KIAA1217: variants seen among roughly 807,000 people sequenced by gnomAD.
KIAA1217 encodes the protein KIAA1217.
A neutral mutation model predicts 163.9 loss-of-function variants in KIAA1217; 88 were observed. The observed-to-expected ratio is 0.54, with a 90% CI of 0.45 to 0.64. The LOEUF (loss-of-function observed/expected upper bound fraction) is 0.64. Among genes scored for constraint, KIAA1217 ranks in the 30% least tolerant of loss-of-function variants. The pLI is 0.00. For missense variants in KIAA1217, 2,372 were observed against 2,475.0 expected (o/e 0.96, Z 0.88); for synonymous variants, 903 against 923.1 (o/e 0.98, Z 0.39).
intron 1 of KIAA1217, among the ~76,000 whole-genome samples, chr10:23,858,433 C>T (rs1839802493): frequency 6.6e-6 from 1 of 151,594 alleles, no homozygotes; most frequent in East Asian, 2.0e-4. Flanking sequence ...TATATATATG[C>T]TGTATATATA....
At chr10:24,261,433 CT>C in intron 2 of KIAA1217, among the ~76,000 whole-genome samples, 1 of 149,280 alleles carries the variant, frequency 6.7e-6, no homozygotes. Flanking sequence ...GAGGCAGAGG[CT>C]ACAGTGAGCC....
intron 2 of KIAA1217, chr10:24,239,061 T>C: frequency 1.4e-6 from 1 of 690,082 alleles, no homozygotes; most frequent in Non-Finnish European, 1.8e-6. Context: ...GGTTAGGGTT[T>C]CCATGGAGAT....
intron 1 of KIAA1217, among the ~76,000 whole-genome samples, chr10:23,771,603 T>C (rs1423948016): frequency 3.9e-5 from 6 of 152,230 alleles, no homozygotes; most frequent in Non-Finnish European, 7.3e-5. Context: ...ACATAATGTG[T>C]TCTGATTAGT....
chr10:24,381,697 G>A (rs1305366496), intron 3 of KIAA1217, among the ~76,000 whole-genome samples: 1 of 152,172 alleles, frequency 6.6e-6, no homozygotes, highest in East Asian at 1.9e-4. Flanking sequence ...TGCTCTATAG[G>A]AAATTGTGAG....
At chr10:24,332,576 G>C (rs2045825510) in intron 2 of KIAA1217, among the ~76,000 whole-genome samples, 1 of 152,104 alleles carries the variant, frequency 6.6e-6, no homozygotes, top group African/African-American at 2.4e-5. Context: ...CTCGGTGACA[G>C]AGTAGATGGA....
intron 1 of KIAA1217, among the ~76,000 whole-genome samples, chr10:23,856,553 A>T (rs949314973): frequency 6.6e-6 from 1 of 152,162 alleles, no homozygotes; most frequent in Admixed American, 6.5e-5. Flanking sequence ...GCTGTCAGGG[A>T]CATTTAAGTC....
chr10:24,500,350 T>A (rs1308892982), intron 8 of KIAA1217, among the ~76,000 whole-genome samples: 1 of 151,144 alleles, frequency 6.6e-6, no homozygotes, highest in East Asian at 1.9e-4. Flanking sequence ...TGTGTGCGTG[T>A]CTTTATTAGT....
chr10:24,454,877 TC>T (rs2061648954), intron 5 of KIAA1217, among the ~76,000 whole-genome samples: 1 of 151,114 alleles, frequency 6.6e-6, no homozygotes, highest in African/African-American at 2.4e-5. Flanking sequence ...AAAAAAAAAA[TC>T]TGCTCCACTG....
intron 1 of KIAA1217, among the ~76,000 whole-genome samples, chr10:23,743,688 G>C (rs901684107): frequency 6.6e-6 from 1 of 152,128 alleles, no homozygotes; most frequent in African/African-American, 2.4e-5. Flanking sequence ...TCTTAAATTT[G>C]AGGGTTATTA....
Position 24,090,332 on chromosome 10 carries a change from C to CTTTTT in KIAA1217, c.-171+82982_-171+82986dup, listed in dbSNP as rs35966270. Among the ~76,000 whole-genome samples the CTTTTT allele has an allele frequency of 3.9e-4, 23 of 58,936 alleles. 4 individuals carry two copies. Among genetic ancestry groups the CTTTTT allele is most frequent in the African/African-American group, 2.7e-3 (23 of 8,546 alleles). The allele number at this position is 58,936 out of a possible 152,430, so 38.7% of individuals were successfully genotyped here. ...CAGGCATGCACCCTCACATCCTGCT[C>CTTTTT]TTTTTTTTTTTTTTTTTTTTTTTTT... On this transcript the variant is annotated intron_variant, in intron 2 of 18. Transcript: ENST00000376462.
intron 2 of KIAA1217, among the ~76,000 whole-genome samples, chr10:24,305,364 T>C (rs2041892644): frequency 6.6e-6 from 1 of 152,190 alleles, no homozygotes; most frequent in Non-Finnish European, 1.5e-5. Flanking sequence ...CTCAAGCTTC[T>C]TTTTATATTT....
chr10:23,959,911 C>CTTTTT (rs1326171008), intron 1 of KIAA1217, among the ~76,000 whole-genome samples: 25 of 106,266 alleles, frequency 2.4e-4, no homozygotes, highest in African/African-American at 4.8e-4. Context: ...TCATAGACTT[C>CTTTTT]TTTTTTTTTT....
At chr10:24,534,848 T>C (rs1209576955) in intron 16 of KIAA1217, among the ~76,000 whole-genome samples, 1 of 144,270 alleles carries the variant, frequency 6.9e-6, no homozygotes, top group Non-Finnish European at 1.5e-5. Flanking sequence ...ACCACTGCAC[T>C]TCAGCCTGGG....
chr10:24,130,047 C>T (rs1375467057), intron 2 of KIAA1217, among the ~76,000 whole-genome samples: 1 of 152,144 alleles, frequency 6.6e-6, no homozygotes, highest in Non-Finnish European at 1.5e-5. Context: ...AACTTGTTCA[C>T]CATTTGCTTC....
chr10:23,922,085 G>A (rs1327744833), intron 1 of KIAA1217, among the ~76,000 whole-genome samples: 1 of 151,884 alleles, frequency 6.6e-6, no homozygotes, highest in African/African-American at 2.4e-5. Flanking sequence ...GAGAGTGGCT[G>A]GAGATGGCCA....
In KIAA1217 at chr10:24,293,632, T is replaced by A. The variant is rs16924478; in HGVS notation, c.354+73723T>A. Among the ~76,000 whole-genome samples, 4 of 152,248 alleles carry A rather than the reference T, an allele frequency of 2.6e-5. No individual in the cohort carries two copies. In the South Asian group the frequency reaches 6.2e-4, roughly 24 times the overall value. On this transcript the variant is annotated intron_variant, in intron 2 of 20. Coordinates refer to ENST00000376454, the MANE Select transcript of KIAA1217 (RefSeq NM_019590.5). ...TGATATCTGCCCTGAGCATTCCCCT[T>A]TGGACTTGGAGTTCCAGGATGTCTT...
At chr10:23,871,282 A>T (rs1293835826) in intron 1 of KIAA1217, among the ~76,000 whole-genome samples, 3 of 152,066 alleles carry the variant, frequency 2.0e-5, no homozygotes, top group Non-Finnish European at 4.4e-5. Context: ...TGGGATTTAC[A>T]TTGCAAATAG....
chr10:24,158,937 A>C (rs528684621), intron 2 of KIAA1217, among the ~76,000 whole-genome samples: 1 of 152,336 alleles, frequency 6.6e-6, no homozygotes, highest in African/African-American at 2.4e-5. Context: ...GATACAGCCT[A>C]TTTGTAGCTC....
At chr10:23,857,211 C>T (rs1298230897) in intron 1 of KIAA1217, among the ~76,000 whole-genome samples, 1 of 152,188 alleles carries the variant, frequency 6.6e-6, no homozygotes, top group Non-Finnish European at 1.5e-5. Flanking sequence ...GAATCCAAAC[C>T]ATATCACTCC....
Sources: gnomAD v4.1 joint callset for allele counts (sites outside exome capture counted in the v4.1 genomes callset) on GRCh38, gnomAD v4.1.1 for gene constraint, MANE v1.5 for transcripts, NCBI Gene and HGNC (gene_info 2026-07-23, HGNC 2026-07-21) for gene names.